FHIT: variants seen among roughly 807,000 people sequenced by gnomAD.
The protein encoded by FHIT is fragile histidine triad diadenosine triphosphatase.
In FHIT, 19 loss-of-function variants were observed where a neutral mutation model predicts 17.9. The observed-to-expected ratio is 1.06, with a 90% CI of 0.74 to 1.56. The LOEUF (loss-of-function observed/expected upper bound fraction) is 1.56. Among genes scored for constraint, FHIT ranks in the 40% most tolerant of loss-of-function variants. The probability of loss-of-function intolerance (pLI) is 0.00; values close to 1 mark genes in which losing one functional copy is unlikely to be tolerated. For synonymous variants in FHIT, 81 were observed against 69.7 expected (o/e 1.16, Z -0.81); for missense variants, 248 against 189.2 (o/e 1.31, Z -1.82).
At chr3:60,104,214 T>G (rs1046802381) in intron 5 of FHIT, among the ~76,000 whole-genome samples, 10 of 152,208 alleles carry the variant, frequency 6.6e-5, no homozygotes, top group Admixed American at 6.5e-4. Flanking sequence ...TTGTTACCCC[T>G]GAGTGGTCAC....
intron 4 of FHIT, chr3:60,690,573 C>A: frequency 1.8e-6 from 1 of 544,786 alleles, no homozygotes. Flanking sequence ...AGCAGTAACC[C>A]TCATAATCAA....
chr3:61,095,540 T>C lies in FHIT; in HGVS notation c.-163-53441A>G, dbSNP rs2035610934. Among the ~76,000 whole-genome samples, 2 of 152,120 alleles carry C rather than the reference T, an allele frequency of 1.3e-5. 1 individual carries two copies. Among genetic ancestry groups the C allele is most frequent in the South Asian group, 4.1e-4 (2 of 4,834 alleles). On this transcript the variant is annotated intron_variant, in intron 2 of 9. Coordinates refer to ENST00000492590, the MANE Select transcript of FHIT (RefSeq NM_002012.4). ...TGCCTTGAGACTTGCATCTGCCCAA[T>C]AACATATCCACGAAGAATGACTCTG...
intron 5 of FHIT, among the ~76,000 whole-genome samples, chr3:60,097,260 G>A (rs541422816): frequency 1.3e-5 from 2 of 152,020 alleles, no homozygotes; most frequent in Non-Finnish European, 2.9e-5. Flanking sequence ...CCAAACAGAA[G>A]ATGAGGAGCT....
rs571057400 is a variant in FHIT at position 61,225,588 on chromosome 3, T to C, written c.-212-24923A>G. Among the ~76,000 whole-genome samples the C allele has an allele frequency of 3.3e-5, 5 of 152,364 alleles. No individual in the cohort carries two copies. In the East Asian group the frequency reaches 9.6e-4, roughly 29 times the overall value. On this transcript the variant is annotated intron_variant, in intron 1 of 9. Transcript: ENST00000492590. ...CAAGTGAACACAAAGTTAAGCGTTA[T>C]ATACTTTCTGCGGTTTCAGTAATAG...
At chr3:60,921,610 T>C (rs931271604) in intron 3 of FHIT, among the ~76,000 whole-genome samples, 8 of 152,216 alleles carry the variant, frequency 5.3e-5, no homozygotes, top group Non-Finnish European at 1.2e-4. Flanking sequence ...GAATATGAAA[T>C]GCCATCCCCT....
At position 60,838,142 on chromosome 3, in the gene FHIT, C is replaced by T. The variant is rs144896721; in HGVS notation, c.-110-16131G>A. ...CGAGGCAGAGTCTCACCGTGTCATCCAGGCTGGAGAGTGCAGTGATGCAAT... is the reference window on the plus strand; with the variant it reads ...CGAGGCAGAGTCTCACCGTGTCATCTAGGCTGGAGAGTGCAGTGATGCAAT... On this transcript the variant is annotated intron_variant, in intron 3 of 9. Transcript: ENST00000492590. 2.5e-3 allele frequency among the ~76,000 whole-genome samples: 381 copies of T among 152,252 alleles called. 3 individuals carry two copies. The highest frequency in any genetic ancestry group is 3.9e-3 in the Non-Finnish European group (265 of 68,026).
intron 5 of FHIT, among the ~76,000 whole-genome samples, chr3:60,250,104 G>C (rs1045989837): frequency 6.6e-6 from 1 of 151,674 alleles, no homozygotes; most frequent in African/African-American, 2.4e-5. Flanking sequence ...AACCATATCA[G>C]AGAAAAACGT....
At chr3:60,990,347 C>T (rs546415906) in intron 3 of FHIT, among the ~76,000 whole-genome samples, 3 of 152,252 alleles carry the variant, frequency 2.0e-5, no homozygotes, top group East Asian at 1.9e-4. Context: ...AGGAGCAGCT[C>T]GTTACTAAAG....
intron 5 of FHIT, among the ~76,000 whole-genome samples, chr3:60,192,166 G>A (rs143009475): frequency 2.0e-3 from 301 of 150,796 alleles, no homozygotes; most frequent in African/African-American, 7.0e-3. Flanking sequence ...CAAGAGAATC[G>A]CTCGAGCCCG....
intron 5 of FHIT, among the ~76,000 whole-genome samples, chr3:60,090,529 CACA>C (rs1703686293): frequency 1.3e-5 from 2 of 152,092 alleles, no homozygotes; most frequent in African/African-American, 4.8e-5. Flanking sequence ...TTTGAAGTGC[CACA>C]ACATATAATA....
chr3:60,349,815 C>T (rs558117161), intron 5 of FHIT, among the ~76,000 whole-genome samples: 10 of 152,200 alleles, frequency 6.6e-5, no homozygotes, highest in South Asian at 2.1e-4. Flanking sequence ...GGTAACTTAC[C>T]GTAAATCATA....
intron 5 of FHIT, among the ~76,000 whole-genome samples, chr3:60,359,952 C>G (rs746939754): frequency 6.8e-5 from 10 of 147,182 alleles, no homozygotes; most frequent in Non-Finnish European, 1.0e-4. Flanking sequence ...AGCAATTATG[C>G]AAACACTAGA....
chr3:59,779,933 C>T (rs1169030926), intron 8 of FHIT, among the ~76,000 whole-genome samples: 1 of 152,224 alleles, frequency 6.6e-6, no homozygotes, highest in Non-Finnish European at 1.5e-5. Flanking sequence ...TAACATCCAT[C>T]TCTTTGGGAA....
In FHIT at chr3:61,219,744, A is replaced by G. The variant is rs187409508; in HGVS notation, c.-212-19079T>C. On this transcript the variant is annotated intron_variant, in intron 1 of 9. Transcript: ENST00000492590. ...GTAGAGCAGTACAGGCCAGTAACAC[A>G]CTGATTTATCTTGCTGATTTTTCAG... is the stretch of plus-strand genomic sequence containing the variant. Among the ~76,000 whole-genome samples, 16 of 152,326 alleles carry G rather than the reference A, an allele frequency of 1.1e-4. No individual in the cohort carries two copies. The East Asian group carries it at 3.1e-3, about 29-fold the overall frequency.
chr3:61,213,304 G>C (rs186677637), intron 1 of FHIT, among the ~76,000 whole-genome samples: 91 of 152,238 alleles, frequency 6.0e-4, no homozygotes, highest in Non-Finnish European at 1.0e-3. Context: ...TAAAGGGATG[G>C]AGGAAGATCT....
intron 8 of FHIT, among the ~76,000 whole-genome samples, chr3:59,910,629 A>C (rs1704826044): frequency 6.6e-6 from 1 of 152,138 alleles, no homozygotes; most frequent in Non-Finnish European, 1.5e-5. Flanking sequence ...GCAGGTTGTA[A>C]GTCTCATGTT....
At chr3:61,211,902 G>C (rs1182280382) in intron 1 of FHIT, among the ~76,000 whole-genome samples, 4 of 152,212 alleles carry the variant, frequency 2.6e-5, no homozygotes, top group Admixed American at 2.0e-4. Context: ...AACAGAGTCT[G>C]GAGTGGACCT....
At chr3:59,773,420 G>C (rs2106842731) in intron 8 of FHIT, among the ~76,000 whole-genome samples, 1 of 152,294 alleles carries the variant, frequency 6.6e-6, no homozygotes, top group South Asian at 2.1e-4. Context: ...CTCTGCCTTT[G>C]TATTGTCACA....
At chr3:60,630,496 T>C (rs959985813) in intron 4 of FHIT, among the ~76,000 whole-genome samples, 3 of 152,218 alleles carry the variant, frequency 2.0e-5, no homozygotes, top group Admixed American at 6.5e-5. Flanking sequence ...CTAGAAGCTC[T>C]GGAAAATTCC....
Sources: gnomAD v4.1 joint callset for allele counts (sites outside exome capture counted in the v4.1 genomes callset) on GRCh38, gnomAD v4.1.1 for gene constraint, MANE v1.5 for transcripts, NCBI Gene and HGNC (gene_info 2026-07-23, HGNC 2026-07-21) for gene names.